Variants in MBNL2 observed in about 807,000 individuals in gnomAD.
MBNL2 encodes muscleblind like splicing regulator 2.
Under a neutral mutation model 41.9 loss-of-function variants are expected in MBNL2, and 17 were observed. The observed-to-expected ratio is 0.41, with a 90% CI of 0.28 to 0.61. The LOEUF (loss-of-function observed/expected upper bound fraction) is 0.61, where lower values mean the gene tolerates loss of function less well. Among genes scored for constraint, MBNL2 ranks in the 20% least tolerant of loss-of-function variants. The pLI is 0.35. For missense variants in MBNL2, 336 were observed against 505.6 expected (o/e 0.66, Z 3.22); for synonymous variants, 195 against 182.9 (o/e 1.07, Z -0.53).
chr13:97,339,879 G>A, intron 3 of MBNL2, among the ~76,000 whole-genome samples: 1 of 147,582 alleles, frequency 6.8e-6, no homozygotes, highest in Non-Finnish European at 1.5e-5. Flanking sequence ...GTGGGCGGGG[G>A]GGGCGTTGTT....
At chr13:97,306,421 T>C (rs1175573931) in intron 2 of MBNL2, among the ~76,000 whole-genome samples, 1 of 152,262 alleles carries the variant, frequency 6.6e-6, no homozygotes, top group Admixed American at 6.5e-5. Flanking sequence ...TCTTCAAACC[T>C]TCCCATCTTC....
chr13:97,190,938 T>C, the MBNL2 span, among the ~76,000 whole-genome samples: 1 of 152,108 alleles, frequency 6.6e-6, no homozygotes, highest in East Asian at 1.9e-4. Context: ...TTGCTTTTAT[T>C]CCAGATAATA....
chr13:97,209,913 A>G, the MBNL2 span, among the ~76,000 whole-genome samples: 4 of 152,210 alleles, frequency 2.6e-5, no homozygotes, highest in African/African-American at 9.6e-5. Flanking sequence ...CTCATGCCGC[A>G]GCCTCCCAAG....
At chr13:97,157,223 G>A in the MBNL2 span, among the ~76,000 whole-genome samples, 1 of 142,266 alleles carries the variant, frequency 7.0e-6, no homozygotes, top group South Asian at 2.4e-4. Flanking sequence ...AGGAATGCTT[G>A]TGATTTTTGC....
intron 2 of MBNL2, among the ~76,000 whole-genome samples, chr13:97,284,431 C>A (rs145863958): frequency 2.2e-4 from 34 of 152,278 alleles, no homozygotes; most frequent in African/African-American, 7.9e-4. Context: ...CCCTTCACAT[C>A]ATCTTCCTGG....
chr13:97,320,808 G>C lies in MBNL2; in HGVS notation c.175-13468G>C, dbSNP rs543365274. ...TGGGTGCCTGTAATCCCAGTTACTTGGGAGACTGAGGCAGGAGAATCGCTT... is the reference window on the plus strand; with the variant it reads ...TGGGTGCCTGTAATCCCAGTTACTTCGGAGACTGAGGCAGGAGAATCGCTT... On this transcript the variant is annotated intron_variant, in intron 2 of 8. Coordinates refer to ENST00000679496, the MANE Select transcript of MBNL2 (RefSeq NM_001382683.1). Among the ~76,000 whole-genome samples the C allele has an allele frequency of 3.3e-5, 5 of 152,098 alleles. No individual in the cohort carries two copies. In the South Asian group the frequency reaches 1.0e-3, roughly 32 times the overall value.
At chr13:97,221,698 T>C (rs1382222709), upstream of MBNL2, 1 of 152,160 alleles carries the variant, frequency 6.6e-6, no homozygotes, top group Non-Finnish European at 1.5e-5. Flanking sequence ...CTAATCGAAG[T>C]CCCAAGTGGT....
the MBNL2 span, among the ~76,000 whole-genome samples, chr13:97,160,944 A>G: frequency 6.6e-6 from 1 of 152,164 alleles, no homozygotes; most frequent in Non-Finnish European, 1.5e-5. Context: ...TCTGTCCAAG[A>G]CTAAAGATGG....
chr13:97,185,643 G>A, the MBNL2 span, among the ~76,000 whole-genome samples: 1 of 152,328 alleles, frequency 6.6e-6, no homozygotes, highest in Non-Finnish European at 1.5e-5. Context: ...AGGCATGTGG[G>A]CAGCCTCCGG....
intron 1 of MBNL2, among the ~76,000 whole-genome samples, chr13:97,235,304 A>G (rs1292213333): frequency 6.6e-6 from 1 of 152,216 alleles, no homozygotes; most frequent in Admixed American, 6.5e-5. Flanking sequence ...TGCATTTTTA[A>G]CAAAAATTGC....
intron 1 of MBNL2, among the ~76,000 whole-genome samples, chr13:97,274,878 TA>T (rs1350232035): frequency 4.6e-5 from 7 of 152,218 alleles, no homozygotes; most frequent in Non-Finnish European, 8.8e-5. Context: ...GTTTTTAGAT[TA>T]TGACTCAGTT....
the MBNL2 span, among the ~76,000 whole-genome samples, chr13:97,213,505 G>A: frequency 1.3e-5 from 2 of 152,070 alleles, no homozygotes; most frequent in Non-Finnish European, 2.9e-5. Flanking sequence ...GAGGTCCTTC[G>A]GTAAAAACAC....
intron 3 of MBNL2, among the ~76,000 whole-genome samples, chr13:97,340,648 A>T (rs1226289512): frequency 6.6e-6 from 1 of 152,134 alleles, no homozygotes; most frequent in Non-Finnish European, 1.5e-5. Flanking sequence ...AGGGAGGTTA[A>T]TTTCCTCCCC....
At chr13:97,234,989 G>A (rs574764286) in intron 1 of MBNL2, among the ~76,000 whole-genome samples, 3 of 151,540 alleles carry the variant, frequency 2.0e-5, no homozygotes, top group South Asian at 2.1e-4. Flanking sequence ...CTCCTTCCTC[G>A]TAGAAGGAGA....
chr13:97,242,780 C>T (rs59724135), intron 1 of MBNL2, among the ~76,000 whole-genome samples: 4,111 of 146,986 alleles, frequency 0.028, 94 homozygotes, highest in South Asian at 0.14. Flanking sequence ...TTTTTTTTTT[C>T]CCCCCTCCTG....
intron 5 of MBNL2, among the ~76,000 whole-genome samples, chr13:97,356,237 AT>A (rs11349751): frequency 0.11 from 16,356 of 152,052 alleles, 927 homozygotes; most frequent in East Asian, 0.17. Context: ...GTGTTTGAAT[AT>A]TTTTTTGCCT....
intron 1 of MBNL2, among the ~76,000 whole-genome samples, chr13:97,264,728 A>G (rs1479971080): frequency 6.6e-6 from 1 of 152,266 alleles, no homozygotes; most frequent in Non-Finnish European, 1.5e-5. Flanking sequence ...GTACAGGCCA[A>G]TGAAATGGCC....
chr13:97,328,175 T>C (rs1211251792), intron 2 of MBNL2, among the ~76,000 whole-genome samples: 2 of 96,204 alleles, frequency 2.1e-5, no homozygotes, highest in African/African-American at 9.9e-5. Context: ...CCTTAACCCT[T>C]TTTTTTTTTT....
chr13:97,191,520 A>G, the MBNL2 span, among the ~76,000 whole-genome samples: 6 of 152,062 alleles, frequency 3.9e-5, no homozygotes, highest in Non-Finnish European at 8.8e-5. Context: ...GTCCTGCGGC[A>G]GTTGTGTGAG....
Sources: allele counts gnomAD v4.1 joint callset (sites outside exome capture counted in the v4.1 genomes callset), GRCh38; gene constraint gnomAD v4.1.1; transcripts MANE v1.5; gene names NCBI Gene and HGNC (gene_info 2026-07-23, HGNC 2026-07-21).